Variants in KCTD1 observed in about 807,000 individuals in gnomAD.
KCTD1 encodes the protein potassium channel tetramerization domain containing 1.
Under a neutral mutation model 66.0 loss-of-function variants are expected in KCTD1, and 24 were observed. That is an observed-to-expected ratio of 0.36 (90% CI 0.26 to 0.51). KCTD1 has a LOEUF of 0.51. Among genes scored for constraint, KCTD1 ranks in the 20% least tolerant of loss-of-function variants. The pLI is 0.95. For missense variants in KCTD1, 943 were observed against 1,205.2 expected, an observed-to-expected ratio of 0.78 and a Z score of 3.22; for synonymous variants, 511 against 517.2, an observed-to-expected ratio of 0.99 and a Z score of 0.16.
chr18:26,579,289 C>T (rs1986298689), intron 1 of KCTD1, among the ~76,000 whole-genome samples: 1 of 151,814 alleles, frequency 6.6e-6, no homozygotes, highest in Non-Finnish European at 1.5e-5. Flanking sequence ...ACACACAAAG[C>T]ATCCAAAGTT....
chr18:26,613,195 C>A (rs1987174577), intron 1 of KCTD1, among the ~76,000 whole-genome samples: 2 of 152,180 alleles, frequency 1.3e-5, no homozygotes, highest in African/African-American at 4.8e-5. Flanking sequence ...GATGAAAAAT[C>A]AATGGATGTG....
intron 1 of KCTD1, among the ~76,000 whole-genome samples, chr18:26,519,369 C>T (rs373498292): frequency 6.6e-6 from 1 of 152,178 alleles, no homozygotes; most frequent in Non-Finnish European, 1.5e-5. Flanking sequence ...AAAATATTAA[C>T]CTCTTGTTCC....
At chr18:26,493,246 G>T (rs1170563687) in intron 2 of KCTD1, among the ~76,000 whole-genome samples, 3 of 152,170 alleles carry the variant, frequency 2.0e-5, no homozygotes, top group Non-Finnish European at 4.4e-5. Context: ...AGAAGCTCTG[G>T]CAGGGGTGCA....
intron 1 of KCTD1, among the ~76,000 whole-genome samples, chr18:26,655,994 G>C (rs1051923468): frequency 6.6e-6 from 1 of 152,122 alleles, no homozygotes; most frequent in Non-Finnish European, 1.5e-5. Context: ...GGGCGGGAGA[G>C]GAAGCACACT....
chr18:26,578,061 T>TCTTTTCTTTTCTTTTCTTTTCTTTCTTTC (rs1475551115), intron 1 of KCTD1, among the ~76,000 whole-genome samples: 18 of 145,080 alleles, frequency 1.2e-4, no homozygotes, highest in African/African-American at 4.6e-4. Flanking sequence ...TTCTTTCTTT[T>TCTTTTCTTTTCTTTTCTTTTCTTTCTTTC]TTTTTTTTTT....
Position 26,608,846 on chromosome 18 carries a change from A to G in KCTD1, c.-16+20301T>C, listed in dbSNP as rs80104267. Among the ~76,000 whole-genome samples the G allele has an allele frequency of 3.9e-3, 599 of 152,348 alleles. 5 individuals carry two copies. The highest frequency in any genetic ancestry group is 0.014 in the African/African-American group (581 of 41,584). On this transcript the variant is annotated intron_variant, in intron 1 of 4. Coordinates refer to the KCTD1 transcript ENST00000317932. ...CAGAAAGCTCTTCTGGAACAAGCCA[A>G]TTGCTTCTGATGTCAAACTTAGCAA...
chr18:26,557,037 C>G (rs1985723135), intron 1 of KCTD1, among the ~76,000 whole-genome samples: 1 of 152,168 alleles, frequency 6.6e-6, no homozygotes, highest in Non-Finnish European at 1.5e-5. Flanking sequence ...AGGGTCTCTC[C>G]AGGAACTCCC....
intron 3 of KCTD1, among the ~76,000 whole-genome samples, chr18:26,461,203 TA>T (rs1375475795): frequency 6.6e-5 from 10 of 152,344 alleles, no homozygotes; most frequent in Admixed American, 5.2e-4. Flanking sequence ...GCAGCAGCTG[TA>T]GCGGCATTAT....
chr18:26,558,269 A>G (rs1183088654), intron 1 of KCTD1, among the ~76,000 whole-genome samples: 1 of 152,246 alleles, frequency 6.6e-6, no homozygotes, highest in Non-Finnish European at 1.5e-5. Context: ...ATCTCACCCC[A>G]GTTAAAATGG....
intron 1 of KCTD1, among the ~76,000 whole-genome samples, chr18:26,580,809 G>C (rs1053938996): frequency 5.3e-5 from 8 of 152,176 alleles, no homozygotes; most frequent in South Asian, 2.1e-4. Flanking sequence ...AGATAAATCA[G>C]TAGTATACTT....
chr18:26,553,930 A>G (rs1985638087), intron 1 of KCTD1, among the ~76,000 whole-genome samples: 1 of 151,896 alleles, frequency 6.6e-6, no homozygotes, highest in African/African-American at 2.4e-5. Context: ...CCACTTGACC[A>G]TATTCAGCCT....
chr18:26,587,020 A>G (rs190372677), intron 1 of KCTD1, among the ~76,000 whole-genome samples: 1 of 152,336 alleles, frequency 6.6e-6, no homozygotes, highest in East Asian at 1.9e-4. Context: ...AGGTGGTTAC[A>G]CTAAACAGAT....
intron 1 of KCTD1, among the ~76,000 whole-genome samples, chr18:26,523,302 C>T (rs1303222557): frequency 2.0e-5 from 3 of 152,136 alleles, no homozygotes; most frequent in Admixed American, 1.3e-4. Flanking sequence ...ATTGAAGGGT[C>T]GGTGTTCCCT....
At chr18:26,571,641 A>AT (rs1986109418) in intron 1 of KCTD1, among the ~76,000 whole-genome samples, 1 of 152,056 alleles carries the variant, frequency 6.6e-6, no homozygotes, top group South Asian at 2.1e-4. Flanking sequence ...TTATTTATTT[A>AT]TTTTTTAGAA....
At chr18:26,555,008 A>G (rs985956987) in intron 1 of KCTD1, among the ~76,000 whole-genome samples, 2 of 152,242 alleles carry the variant, frequency 1.3e-5, no homozygotes, top group African/African-American at 2.4e-5. Flanking sequence ...ATGTGGGATT[A>G]AAGTGGACAT....
intron 1 of KCTD1, among the ~76,000 whole-genome samples, chr18:26,570,185 A>AG (rs1986070944): frequency 5.3e-4 from 1 of 1,884 alleles, no homozygotes; most frequent in Non-Finnish European, 1.7e-3. Context: ...GACTCCATCT[A>AG]AAAAAAATAT....
intron 2 of KCTD1, among the ~76,000 whole-genome samples, chr18:26,480,055 TTTTTTTC>T (rs1981558384): frequency 6.6e-6 from 1 of 151,790 alleles, no homozygotes; most frequent in African/African-American, 2.4e-5. Context: ...TTTTTTTTTT[TTTTTTTC>T]ACTCATTGAA....
intron 1 of KCTD1, among the ~76,000 whole-genome samples, chr18:26,639,922 T>A (rs936323009): frequency 1.2e-4 from 18 of 152,168 alleles, no homozygotes; most frequent in Admixed American, 5.2e-4. Flanking sequence ...CATCAGTAGA[T>A]GGCCAGTTTT....
At chr18:26,622,909 TC>T (rs1344901459) in intron 1 of KCTD1, among the ~76,000 whole-genome samples, 14 of 152,196 alleles carry the variant, frequency 9.2e-5, no homozygotes, top group African/African-American at 3.4e-4. Flanking sequence ...CATACAGCAT[TC>T]TTCAGGCCAA....
Sources: gnomAD v4.1 joint callset for allele counts (sites outside exome capture counted in the v4.1 genomes callset) on GRCh38, gnomAD v4.1.1 for gene constraint, MANE v1.5 for transcripts, NCBI Gene and HGNC (gene_info 2026-07-23, HGNC 2026-07-21) for gene names.